MAEA: variants seen among roughly 807,000 people sequenced by gnomAD.
The protein encoded by MAEA is E3 ubiquitin-protein transferase MAEA.
MAEA carries 22 observed loss-of-function variants against 46.2 expected under a neutral mutation model. The ratio of observed to expected loss-of-function variants is 0.48; its 90% confidence interval spans 0.34 to 0.68. The LOEUF is 0.68. Among genes scored for constraint, MAEA ranks in the 30% least tolerant of loss-of-function variants. MAEA has a pLI of 0.01. For missense variants in MAEA, 393 were observed against 558.1 expected (o/e 0.70, Z 2.98); for synonymous variants, 246 against 222.6 (o/e 1.11, Z -0.94).
At chr4:1,321,873 G>GTTTT (rs4045167) in intron 3 of MAEA, among the ~76,000 whole-genome samples, 1 of 140,442 alleles carries the variant, frequency 7.1e-6, no homozygotes, top group Non-Finnish European at 1.6e-5. Flanking sequence ...TTTTTTTGTT[G>GTTTT]TTTTTTTTTT....
At chr4:1,309,797 A>G (rs1245622378) in intron 1 of MAEA, 1 of 1,407,140 alleles carries the variant, frequency 7.1e-7, no homozygotes, top group African/African-American at 1.4e-5. Context: ...TTGCACTGGG[A>G]GCAAAGGGTT....
chr4:1,301,553 C>G (rs1157371065), intron 1 of MAEA, among the ~76,000 whole-genome samples: 1 of 152,046 alleles, frequency 6.6e-6, no homozygotes, highest in African/African-American at 2.4e-5. Flanking sequence ...AAGCAAATAC[C>G]AAGCCAGGCA....
intron 3 of MAEA, among the ~76,000 whole-genome samples, chr4:1,315,885 CCAA>C (rs1283506977): frequency 2.4e-4 from 10 of 42,364 alleles, no homozygotes; most frequent in African/African-American, 8.9e-4. Context: ...CCCCCCCCCC[CCAA>C]TGTGCGTGTT....
intron 3 of MAEA, among the ~76,000 whole-genome samples, chr4:1,317,921 C>T (rs561437650): frequency 3.3e-5 from 5 of 152,324 alleles, no homozygotes; most frequent in East Asian, 1.9e-4. Flanking sequence ...ATGCCTCTGC[C>T]GTGCTGCCCA....
intron 1 of MAEA, among the ~76,000 whole-genome samples, chr4:1,310,551 C>T (rs1180526055): frequency 1.3e-5 from 2 of 152,236 alleles, no homozygotes; most frequent in East Asian, 3.8e-4. Flanking sequence ...TTGATAGCTT[C>T]CCTGCCCTCC....
At chr4:1,335,048 A>G (rs923107550) in intron 6 of MAEA, 5 of 985,308 alleles carry the variant, frequency 5.1e-6, no homozygotes, top group Non-Finnish European at 6.0e-6. Context: ...CCCCCAAGCT[A>G]GAGACTGAGC....
chr4:1,316,963 G>GC (rs1375413176), intron 3 of MAEA, among the ~76,000 whole-genome samples: 5 of 142,688 alleles, frequency 3.5e-5, no homozygotes, highest in Non-Finnish European at 6.2e-5. Context: ...TCACCTGCAG[G>GC]CCCACCACGG....
intron 1 of MAEA, among the ~76,000 whole-genome samples, chr4:1,302,573 G>T (rs1038789639): frequency 6.6e-6 from 1 of 152,140 alleles, no homozygotes; most frequent in Non-Finnish European, 1.5e-5. Flanking sequence ...TCCGCTTCCC[G>T]GGTTCACGCC....
intron 5 of MAEA, chr4:1,328,530 C>A: frequency 3.3e-6 from 3 of 919,852 alleles, no homozygotes; most frequent in South Asian, 1.9e-5. Flanking sequence ...GTGGGCCTGG[C>A]TGGCCCTCAG....
In MAEA at chr4:1,302,349, C is replaced by T. The variant is rs115153777; in HGVS notation, c.70-9630C>T. ...TGCCCAGTCTGTGATATTTTTGTTA[C>T]AGCAGCCTGAGCTGACTAAGACAGC... On this transcript the variant is annotated intron_variant, in intron 1 of 8. Coordinates refer to ENST00000303400, the MANE Select transcript of MAEA (RefSeq NM_001017405.3). 2.6e-3 allele frequency among the ~76,000 whole-genome samples: 390 copies of T among 152,356 alleles called. 1 individual carries two copies. Among genetic ancestry groups the T allele is most frequent in the African/African-American group, 9.0e-3 (373 of 41,574 alleles).
chr4:1,333,650 C>T (rs2109004032), intron 6 of MAEA, among the ~76,000 whole-genome samples: 1 of 152,120 alleles, frequency 6.6e-6, no homozygotes, highest in East Asian at 1.9e-4. Context: ...TGAGTGGCTC[C>T]ACTCTGCACC....
intron 3 of MAEA, among the ~76,000 whole-genome samples, chr4:1,321,609 A>ATACTGGGCCGTTGGG (rs1299326698): frequency 1.3e-5 from 2 of 152,240 alleles, no homozygotes; most frequent in Non-Finnish European, 2.9e-5. Context: ...CTGTGGCCTC[A>ATACTGGGCCGTTGGG]TCCTGGGCCG....
intron 4 of MAEA, among the ~76,000 whole-genome samples, chr4:1,326,814 C>T (rs758173884): frequency 6.6e-5 from 10 of 152,364 alleles, no homozygotes; most frequent in Non-Finnish European, 8.8e-5. Context: ...GCCTCGGCAC[C>T]GGCCCCGGCT....
At chr4:1,337,872 C>T (rs1713000529) in intron 7 of MAEA, 2 of 171,600 alleles carry the variant, frequency 1.2e-5, no homozygotes, top group African/African-American at 4.8e-5. Context: ...CCACCTGTGA[C>T]TGACTGTCCT....
chr4:1,339,238 GT>G lies in MAEA; in HGVS notation c.*70del. The G allele has an allele frequency of 8.7e-7, 1 of 1,144,140 alleles. No homozygotes were observed. The highest frequency in any genetic ancestry group is 1.3e-6 in the Non-Finnish European group (1 of 754,748). 70.9% of individuals were successfully genotyped at this position (1,144,140 alleles called of 1,614,324 possible). A position where few individuals can be genotyped will look rare whatever the true frequency, so the allele number is the denominator to read the frequency against. ...GGCGGGGAGGCCACGCCTTCCTCCT[GT>G]CCCACGCTCCAGCCTGCCGCGGCGT... On this transcript the variant is annotated 3_prime_UTR_variant, in exon 9 of 9. Coordinates refer to ENST00000303400, the MANE Select transcript of MAEA (RefSeq NM_001017405.3).
intron 1 of MAEA, among the ~76,000 whole-genome samples, chr4:1,301,144 G>A (rs1364226419): frequency 6.6e-6 from 1 of 152,226 alleles, no homozygotes; most frequent in East Asian, 1.9e-4. Context: ...TCCCGTGCTG[G>A]TGAAAACATG....
chr4:1,295,813 C>A (rs1229003558), intron 1 of MAEA, among the ~76,000 whole-genome samples: 1 of 101,242 alleles, frequency 9.9e-6, no homozygotes, highest in Non-Finnish European at 1.9e-5. Flanking sequence ...CGCCTGTGCC[C>A]CCTCACCCAC....
intron 4 of MAEA, among the ~76,000 whole-genome samples, chr4:1,324,982 A>G (rs1738616903): frequency 6.6e-6 from 1 of 152,076 alleles, no homozygotes; most frequent in Non-Finnish European, 1.5e-5. Flanking sequence ...CGGGGCCTGA[A>G]TCCATATTTA....
intron 1 of MAEA, among the ~76,000 whole-genome samples, chr4:1,310,620 C>T (rs535798642): frequency 5.8e-4 from 89 of 152,356 alleles, no homozygotes; most frequent in African/African-American, 1.8e-3. Flanking sequence ...CGGTAGCAGA[C>T]GGTGATGCTG....
Sources: gnomAD v4.1 joint callset for allele counts (sites outside exome capture counted in the v4.1 genomes callset) on GRCh38, gnomAD v4.1.1 for gene constraint, MANE v1.5 for transcripts, NCBI Gene and HGNC (gene_info 2026-07-23, HGNC 2026-07-21) for gene names.